The following GRM4 variants were observed in gnomAD, a reference collection of about 807,000 sequenced individuals.
The protein encoded by GRM4 is metabotropic glutamate receptor 4.
GRM4 carries 28 observed loss-of-function variants against 81.7 expected under a neutral mutation model. The ratio of observed to expected loss-of-function variants is 0.34; its 90% CI spans 0.25 to 0.47. The LOEUF is 0.47. GRM4 is among the 20% of genes least tolerant of loss of function. GRM4 has a pLI of 1.00. For missense variants in GRM4, 948 were observed against 1,290.0 expected (o/e 0.73, Z 4.06); for synonymous variants, 488 against 528.8 (o/e 0.92, Z 1.06).
chr6:34,127,202 C>T (rs941712130), intron 2 of GRM4, among the ~76,000 whole-genome samples: 4 of 152,036 alleles, frequency 2.6e-5, no homozygotes, highest in Non-Finnish European at 5.9e-5. Flanking sequence ...CTGTGATGAG[C>T]GCCATCAAGG....
chr6:34,110,896 G>C (rs1769348226), intron 2 of GRM4: 2 of 1,285,734 alleles, frequency 1.6e-6, no homozygotes, highest in South Asian at 2.4e-5. Context: ...CCCCAGGGCA[G>C]GCTGGGAGTA....
intron 10 of GRM4, chr6:34,024,673 T>C (rs1337688922): frequency 1.1e-5 from 5 of 455,762 alleles, no homozygotes; most frequent in Non-Finnish European, 2.2e-5. Flanking sequence ...AAGAATTTTC[T>C]CCTGGCCAGA....
At chr6:34,106,369 C>T (rs373453929) in intron 2 of GRM4, among the ~76,000 whole-genome samples, 1 of 150,588 alleles carries the variant, frequency 6.6e-6, no homozygotes, top group Non-Finnish European at 1.5e-5. Flanking sequence ...GAGCTGAGAT[C>T]GCACCACTGC....
chr6:34,112,220 G>A (rs76027454), intron 2 of GRM4, among the ~76,000 whole-genome samples: 6,118 of 152,220 alleles, frequency 0.04, 314 homozygotes, highest in African/African-American at 0.12. Context: ...TCCAACGAGC[G>A]ATAAAACACG....
At chr6:34,032,045 TCA>T (rs1458417649) in intron 9 of GRM4, among the ~76,000 whole-genome samples, 1 of 148,842 alleles carries the variant, frequency 6.7e-6, no homozygotes, top group Non-Finnish European at 1.5e-5. Flanking sequence ...ACAAATGTAC[TCA>T]CACATCTACA....
chr6:34,108,552 C>A (rs1246932654), intron 2 of GRM4, among the ~76,000 whole-genome samples: 1 of 152,232 alleles, frequency 6.6e-6, no homozygotes, highest in Non-Finnish European at 1.5e-5. Context: ...TCACCTAAGA[C>A]TCTCTGGCTC....
At chr6:34,076,682 T>C (rs532937762) in intron 3 of GRM4, among the ~76,000 whole-genome samples, 149 of 152,008 alleles carry the variant, frequency 9.8e-4, no homozygotes, top group African/African-American at 3.5e-3. Flanking sequence ...GGAGAGGCCT[T>C]CTTGAGACAC....
At chr6:34,131,836 AG>A (rs1770246934) in intron 2 of GRM4, among the ~76,000 whole-genome samples, 1 of 152,074 alleles carries the variant, frequency 6.6e-6, no homozygotes. Context: ...GGGGAGACAA[AG>A]GTCAACTCCA....
intron 6 of GRM4, among the ~76,000 whole-genome samples, chr6:34,041,363 T>C (rs575560666): frequency 6.6e-6 from 1 of 152,180 alleles, no homozygotes. Context: ...CCATCCCTCT[T>C]CTACCTCAGG....
upstream of GRM4, among the ~76,000 whole-genome samples, chr6:34,148,421 AACACACACACTGAGAGACAC>A (rs1430377569): frequency 3.3e-5 from 5 of 150,724 alleles, no homozygotes; most frequent in African/African-American, 1.2e-4. Flanking sequence ...CACATAGACT[AACACACACACTGAGAGACAC>A]ACACACACAC....
intron 10 of GRM4, among the ~76,000 whole-genome samples, chr6:34,027,710 G>GGCTGAA (rs2127435966): frequency 3.3e-5 from 5 of 152,304 alleles, no homozygotes; most frequent in African/African-American, 1.2e-4. Context: ...CTCCCAGAGG[G>GGCTGAA]GCTGAAAGGG....
At chr6:34,050,973 A>T (rs1424305258) in intron 6 of GRM4, among the ~76,000 whole-genome samples, 1 of 152,242 alleles carries the variant, frequency 6.6e-6, no homozygotes, top group Non-Finnish European at 1.5e-5. Flanking sequence ...CACTGAGTGA[A>T]GGGCCAATGG....
At chr6:34,124,217 C>A (rs780356305) in intron 2 of GRM4, among the ~76,000 whole-genome samples, 12 of 152,340 alleles carry the variant, frequency 7.9e-5, no homozygotes, top group Middle Eastern at 3.4e-3. Flanking sequence ...CCGCTCAGAT[C>A]AACTGCCAAG....
rs1299541780 is a variant in GRM4, at chr6:34,133,519, T to A, written c.-23A>T. On this transcript the variant is annotated 5_prime_UTR_variant, in exon 2 of 11. The change abolishes an upstream ATG in the 5' untranslated region. Transcript: ENST00000538487. The surrounding 1 kb of genome is among the most constrained non-coding windows in gnomAD (Gnocchi z 6.5). ...CATCTCGGAAATCCCTAGAGACCCATGAACGGCAGGCCCACTCCTAGCCCT... is the reference window on the plus strand; with the variant it reads ...CATCTCGGAAATCCCTAGAGACCCAAGAACGGCAGGCCCACTCCTAGCCCT... 1.3e-6 allele frequency: 2 copies of A among 1,530,440 alleles called. No individual in the cohort carries two copies. Among genetic ancestry groups the A allele is most frequent in the South Asian group, 2.6e-5 (2 of 77,758 alleles). The allele number at this position is 1,530,440 out of a possible 1,614,324, so 94.8% of individuals were successfully genotyped here.
intron 8 of GRM4, among the ~76,000 whole-genome samples, chr6:34,039,858 C>T (rs892350152): frequency 4.1e-5 from 6 of 148,034 alleles, no homozygotes; most frequent in African/African-American, 1.5e-4. Flanking sequence ...AGCCTTTGAG[C>T]CATTTCACAC....
rs371301795 is a variant in GRM4 at position 34,068,157 on chromosome 6, C to CG, written c.737-6130dup. Among the ~76,000 whole-genome samples, 293 of 152,138 alleles carry CG rather than the reference C, an allele frequency of 1.9e-3. No individual in the cohort carries two copies. The highest frequency in any genetic ancestry group is 6.8e-3 in the Middle Eastern group (2 of 294). On this transcript the variant is annotated intron_variant, in intron 3 of 10. Transcript: ENST00000538487. The surrounding 1 kb of genome is among the most constrained non-coding windows in gnomAD (Gnocchi z 4.2). The stretch of plus-strand genomic sequence containing the variant: ...AGCAGCATGACGTGCTGGAGGGAGA[C>CG]GGGGGGGCTGCATCCCCTCAGCCCA...
intron 9 of GRM4, among the ~76,000 whole-genome samples, chr6:34,030,401 T>C (rs1266608668): frequency 2.0e-5 from 3 of 152,158 alleles, no homozygotes; most frequent in East Asian, 1.9e-4. Context: ...TGCAGTGCAA[T>C]TGGGCCCACA....
chr6:34,040,476 G>T (rs1456917960), intron 7 of GRM4, 72 bp downstream of exon 7: 4 of 1,469,366 alleles, frequency 2.7e-6, no homozygotes, highest in Admixed American at 3.7e-5. Context: ...ACCCCACAGA[G>T]CCTAAGGGCC....
chr6:34,139,958 C>T (rs547100961), intron 1 of GRM4, among the ~76,000 whole-genome samples: 7 of 152,250 alleles, frequency 4.6e-5, no homozygotes, highest in South Asian at 2.1e-4. Context: ...CAGGCACAGA[C>T]GCCTGCCCTC....
Sources: allele counts gnomAD v4.1 joint callset (sites outside exome capture counted in the v4.1 genomes callset), GRCh38; gene constraint gnomAD v4.1.1; non-coding constraint Gnocchi (gnomAD v3.1); transcripts MANE v1.5; gene names NCBI Gene and HGNC (gene_info 2026-07-23, HGNC 2026-07-21).